Variants in AGO2 observed in about 807,000 individuals in gnomAD.
AGO2 encodes argonaute RISC catalytic component 2, also known as protein argonaute-2.
Under a neutral mutation model 102.3 loss-of-function variants are expected in AGO2, and 5 were observed. The ratio of observed to expected loss-of-function variants is 0.05; its 90% CI spans 0.03 to 0.10. AGO2 has a LOEUF of 0.10. AGO2 is among the 10% of genes least tolerant of loss of function. The pLI is 1.00. For synonymous variants in AGO2, 449 were observed against 473.1 expected (o/e 0.95, Z 0.66); for missense variants, 541 against 1,183.7 (o/e 0.46, Z 7.97).
In AGO2 at chr8:140,539,495, A is replaced by C. The variant is rs1430033196; in HGVS notation, c.2035-41T>G. 44 of 1,581,824 alleles carry C rather than the reference A, an allele frequency of 2.8e-5. 1 individual carries two copies. In the South Asian group the frequency reaches 3.7e-4, roughly 13 times the overall value. ...GGAGGAGGTTGTGCTTAAAGATGGT[A>C]GTGCATGTGAGCAACGGTCCCACGT... On this transcript the variant is annotated intron_variant, in intron 15 of 18. Coordinates refer to ENST00000220592, the MANE Select transcript of AGO2 (RefSeq NM_012154.5). This position sits in a 1 kb window ranked among gnomAD's most constrained non-coding sequence, Gnocchi z 4.7.
At chr8:140,554,154 G>T (rs761799197) in intron 10 of AGO2, among the ~76,000 whole-genome samples, 6 of 152,232 alleles carry the variant, frequency 3.9e-5, no homozygotes, top group Non-Finnish European at 8.8e-5. Flanking sequence ...GGGTTCAAAA[G>T]CCCCATCCCC....
At chr8:140,631,600 G>T (rs2074343196) in intron 1 of AGO2, among the ~76,000 whole-genome samples, 1 of 152,040 alleles carries the variant, frequency 6.6e-6, no homozygotes, top group African/African-American at 2.4e-5. Context: ...GGAGAAGAGA[G>T]AGGGTGGGCT....
At chr8:140,543,880 T>C (rs936493423) in intron 14 of AGO2, among the ~76,000 whole-genome samples, 2 of 152,210 alleles carry the variant, frequency 1.3e-5, no homozygotes, top group African/African-American at 4.8e-5. Flanking sequence ...GGAGTTCTCA[T>C]GCTGTGGGGG....
intron 1 of AGO2, among the ~76,000 whole-genome samples, chr8:140,599,573 G>T (rs898528788): frequency 2.6e-5 from 4 of 152,078 alleles, no homozygotes; most frequent in African/African-American, 7.2e-5. Flanking sequence ...CTACCTATGG[G>T]GTCCAGGCCA....
chr8:140,596,575 C>T (rs2073847058), intron 1 of AGO2, among the ~76,000 whole-genome samples: 2 of 152,236 alleles, frequency 1.3e-5, no homozygotes, highest in South Asian at 4.1e-4. Flanking sequence ...AAGAGCAAAA[C>T]TCCATCTCAA....
In AGO2 at chr8:140,562,608, T is replaced by C. The variant is rs1392979273; in HGVS notation, c.363A>G (p.Gly121=). The change falls in exon 4 of 19, where the codon GGA becomes GGG. Residue 121 remains glycine (G), a synonymous_variant. Transcript: ENST00000220592. ...DKVELEVTLP[G]EGKDRIFKVS... is the part of the protein sequence containing the mutation. ...CCTTGAAGATGCGATCCTTGCCTTCTCCTGGCAGCGTGACCTCCAGCTCCA... is the reference window on the plus strand; with the variant it reads ...CCTTGAAGATGCGATCCTTGCCTTCCCCTGGCAGCGTGACCTCCAGCTCCA... The C allele has an allele frequency of 3.7e-6, 6 of 1,613,882 alleles. No individual in the cohort carries two copies. In the East Asian group the frequency reaches 1.1e-4, roughly 30 times the overall value.
chr8:140,597,483 C>G (rs60746254), intron 1 of AGO2, among the ~76,000 whole-genome samples: 10,925 of 137,976 alleles, frequency 0.079, 1,511 homozygotes, highest in African/African-American at 0.27. Flanking sequence ...CACCCCCCCC[C>G]CCCCGCCCCA....
At position 140,635,619 on chromosome 8, in the gene AGO2, C is replaced by T. The variant is rs2074398537; in HGVS notation, c.-113G>A. On this transcript the variant is annotated 5_prime_UTR_variant, in exon 1 of 19. Transcript: ENST00000220592. ...GCCGCACGATCCGCCCCGGCGCGGC[C>T]GCCTCGCCAAACAGGTTTACCCGAC... 1 of 788,600 alleles carries T rather than the reference C, an allele frequency of 1.3e-6. No individual in the cohort carries two copies. The highest frequency in any genetic ancestry group is 1.5e-6 in the Non-Finnish European group (1 of 653,160). 48.9% of individuals were successfully genotyped at this position (788,600 alleles called of 1,614,324 possible).
Position 140,548,898 on chromosome 8 carries a change from C to A in AGO2, c.1588+216G>T, listed in dbSNP as rs193194454. Among the ~76,000 whole-genome samples, 96 of 152,378 alleles carry A rather than the reference C, an allele frequency of 6.3e-4. 2 individuals are homozygous for A. Among genetic ancestry groups the A allele is most frequent in the African/African-American group, 2.3e-3 (94 of 41,588 alleles). The stretch of plus-strand genomic sequence containing the variant: ...GTGCCACCCGAGGGTGCTGACTGCC[C>A]AGGACCATGGCATCATACAGGACGA... On this transcript the variant is annotated intron_variant, in intron 12 of 18. Coordinates refer to ENST00000220592, the MANE Select transcript of AGO2 (RefSeq NM_012154.5).
intron 5 of AGO2, among the ~76,000 whole-genome samples, 169 bp downstream of exon 5, chr8:140,560,205 G>A (rs1052213696): frequency 2.0e-5 from 3 of 152,214 alleles, no homozygotes; most frequent in African/African-American, 4.8e-5. Flanking sequence ...AGCCACTGCC[G>A]TAACCCACCC....
rs375752692 is a variant in AGO2, at chr8:140,532,393, C to G, written c.2471+23G>C. The G allele has an allele frequency of 3.1e-5, 49 of 1,602,024 alleles. No homozygotes were observed. In the African/African-American group the frequency reaches 6.0e-4, roughly 20 times the overall value. On this transcript the variant is annotated intron_variant, in intron 18 of 18. Coordinates refer to ENST00000220592, the MANE Select transcript of AGO2 (RefSeq NM_012154.5). ...TGGCAAAAACCACCCCTGCTGTGACCTCCAGCCAGGCATGCCACTCACCTG... is the reference window on the plus strand; with the variant it reads ...TGGCAAAAACCACCCCTGCTGTGACGTCCAGCCAGGCATGCCACTCACCTG...
At chr8:140,601,619 GCTT>G (rs2073934707) in intron 1 of AGO2, among the ~76,000 whole-genome samples, 1 of 152,198 alleles carries the variant, frequency 6.6e-6, no homozygotes, top group African/African-American at 2.4e-5. Context: ...CAGCCTGGTT[GCTT>G]CTTTTTCTGG....
intron 2 of AGO2, among the ~76,000 whole-genome samples, chr8:140,579,302 T>G (rs890138705): frequency 6.6e-6 from 1 of 152,158 alleles, no homozygotes; most frequent in African/African-American, 2.4e-5. Context: ...AGAAGTAACC[T>G]TATCCTTTTC....
upstream of AGO2, among the ~76,000 whole-genome samples, chr8:140,640,095 G>A (rs1384479903): frequency 5.9e-5 from 9 of 152,150 alleles, no homozygotes; most frequent in South Asian, 1.9e-3. Flanking sequence ...TGCAGCCTTC[G>A]CCTCCTGGGT....
At chr8:140,598,206 T>C (rs1198815016) in intron 1 of AGO2, among the ~76,000 whole-genome samples, 1 of 152,206 alleles carries the variant, frequency 6.6e-6, no homozygotes, top group Non-Finnish European at 1.5e-5. Context: ...TATGGGAAGA[T>C]GTCTGAACCC....
At chr8:140,615,582 G>T (rs1182691187) in intron 1 of AGO2, among the ~76,000 whole-genome samples, 1 of 152,264 alleles carries the variant, frequency 6.6e-6, no homozygotes, top group East Asian at 1.9e-4. Flanking sequence ...TGACACTTCA[G>T]GGACAGAATA....
In AGO2 at chr8:140,540,940, C is replaced by T. The variant is rs1169461897; in HGVS notation, c.2034+224G>A. ...CTTGGTCCCCAGGCCCATACCCGCC[C>T]CTCCTCCCCTCCCTCTGTCCTGCCT... On this transcript the variant is annotated intron_variant, in intron 15 of 18. Coordinates refer to ENST00000220592, the MANE Select transcript of AGO2 (RefSeq NM_012154.5). The surrounding 1 kb of genome is among the most constrained non-coding windows in gnomAD (Gnocchi z 5.0). 6.6e-6 allele frequency among the ~76,000 whole-genome samples: 1 copy of T among 152,196 alleles called. No individual in the cohort carries two copies. Among genetic ancestry groups the T allele is most frequent in the East Asian group, 1.9e-4 (1 of 5,180 alleles).
intron 3 of AGO2, among the ~76,000 whole-genome samples, chr8:140,568,282 TG>T (rs1235148570): frequency 5.7e-5 from 2 of 35,284 alleles, no homozygotes; most frequent in Non-Finnish European, 8.7e-5. Context: ...AGACCATGTC[TG>T]GGGGAAAAAA....
intron 1 of AGO2, among the ~76,000 whole-genome samples, chr8:140,588,599 AGAGG>A (rs1195938541): frequency 0.02 from 1,805 of 88,152 alleles, 60 homozygotes; most frequent in African/African-American, 0.072. Context: ...AGGCAGGGAG[AGAGG>A]GAGGGAGGGA....
Sources: allele counts gnomAD v4.1 joint callset (sites outside exome capture counted in the v4.1 genomes callset), GRCh38; gene constraint gnomAD v4.1.1; non-coding constraint Gnocchi (gnomAD v3.1); transcripts MANE v1.5; gene names NCBI Gene and HGNC (gene_info 2026-07-23, HGNC 2026-07-21).